The following TMSB15B variants were observed in gnomAD, a reference collection of about 807,000 sequenced individuals.
TMSB15B encodes thymosin beta-15B.
At position 103,923,360 on chromosome X, in the gene TMSB15B, A is replaced by T. The variant is rs182890023; in HGVS notation, c.-721+4068A>T. 4.5e-3 allele frequency among the ~76,000 whole-genome samples: 499 copies of T among 112,069 alleles called. 6 individuals carry two copies. The highest frequency in any genetic ancestry group is 0.015 in the African/African-American group (469 of 30,806). On this transcript the variant is annotated intron_variant, in intron 1 of 3. Transcript: ENST00000419165. ...GGTCTAAAATTTAAGTCTTTAATCC[A>T]TCTTGAATTAATTTTTGTATAAGGT...
intron 1 of TMSB15B, among the ~76,000 whole-genome samples, chrX:103,924,987 G>A (rs1556318571): frequency 8.9e-6 from 1 of 112,192 alleles, no homozygotes; most frequent in African/African-American, 3.2e-5. Flanking sequence ...AACACAAAAT[G>A]TGTTCCTACA....
intron 1 of TMSB15B, among the ~76,000 whole-genome samples, chrX:103,921,888 A>G (rs1556317869): frequency 8.9e-6 from 1 of 111,759 alleles, no homozygotes; most frequent in Non-Finnish European, 1.9e-5. Context: ...AAGGCTTCAC[A>G]ACTTTTAAGT....
chrX:103,938,418 T>G (rs1313432091), intron 1 of TMSB15B, among the ~76,000 whole-genome samples: 9 of 112,058 alleles, frequency 8.0e-5, no homozygotes, highest in Non-Finnish European at 1.7e-4. Flanking sequence ...TGTAATTCCC[T>G]TCTTTGTCTT....
intron 1 of TMSB15B, among the ~76,000 whole-genome samples, chrX:103,930,240 C>T (rs782099283): frequency 1.5e-4 from 17 of 111,712 alleles, no homozygotes; most frequent in African/African-American, 4.6e-4. Context: ...CTATTCTTTC[C>T]ACCTGCAGTG....
rs2074976773 is a variant in TMSB15B at position 103,928,823 on chromosome X, T to C, written c.-721+9531T>C. 16 of 1,201,712 alleles carry C rather than the reference T, an allele frequency of 1.3e-5. No homozygotes were observed. The South Asian group carries it at 2.9e-4, about 21-fold the overall frequency. Reference sequence around the variant, plus strand: ...CTGGCTGCTAATATGCAGTCCCATATTGGATGGCAGAACATGCCAAGCCTG... The same window carrying C: ...CTGGCTGCTAATATGCAGTCCCATACTGGATGGCAGAACATGCCAAGCCTG... On this transcript the variant is annotated intron_variant, in intron 1 of 3. Coordinates refer to the TMSB15B transcript ENST00000419165.
At chrX:103,932,519 T>C (rs1191476035) in intron 1 of TMSB15B, 1 of 112,572 alleles carries the variant, frequency 8.9e-6, no homozygotes, top group African/African-American at 3.2e-5. Context: ...TTAAATTTAC[T>C]ATATTTGCCT....
chrX:103,924,007 C>G (rs1556318338), intron 1 of TMSB15B, among the ~76,000 whole-genome samples: 1 of 111,960 alleles, frequency 8.9e-6, no homozygotes, highest in African/African-American at 3.2e-5. Context: ...ATACCAGTTG[C>G]TGTGCTAAGC....
intron 1 of TMSB15B, among the ~76,000 whole-genome samples, chrX:103,950,706 T>A (rs1232012373): frequency 3.6e-5 from 4 of 110,274 alleles, no homozygotes; most frequent in African/African-American, 1.3e-4. Flanking sequence ...TGGCCTGTTT[T>A]TATATATATG....
chrX:103,944,623 T>C (rs782407723), intron 1 of TMSB15B, among the ~76,000 whole-genome samples: 11 of 111,234 alleles, frequency 9.9e-5, no homozygotes, highest in Non-Finnish European at 1.5e-4. Context: ...TATGAGAAGT[T>C]ACCTCCCTTC....
chrX:103,950,613 A>T (rs1229433127), intron 1 of TMSB15B, among the ~76,000 whole-genome samples: 5 of 106,393 alleles, frequency 4.7e-5, no homozygotes, highest in Admixed American at 1.0e-4. Flanking sequence ...CCAAGAGAAA[A>T]ATATATATAT....
intron 1 of TMSB15B, among the ~76,000 whole-genome samples, chrX:103,919,703 A>G (rs782196989): frequency 8.9e-6 from 1 of 112,501 alleles, no homozygotes; most frequent in East Asian, 2.8e-4. Context: ...GGATGGGAGG[A>G]CCAACTTGGG....
intron 1 of TMSB15B, among the ~76,000 whole-genome samples, chrX:103,949,362 G>A (rs1602443344): frequency 8.9e-6 from 1 of 111,967 alleles, no homozygotes; most frequent in Non-Finnish European, 1.9e-5. Flanking sequence ...CACTGTAGGC[G>A]AATGAGAGTG....
chrX:103,948,007 G>C (rs1204539892), intron 1 of TMSB15B, among the ~76,000 whole-genome samples: 4 of 111,237 alleles, frequency 3.6e-5, no homozygotes, highest in African/African-American at 1.3e-4. Context: ...TTTGGGGACA[G>C]GGAGGGGAAC....
chrX:103,929,606 G>C (rs1316326654), intron 1 of TMSB15B, among the ~76,000 whole-genome samples: 2 of 111,950 alleles, frequency 1.8e-5, no homozygotes, highest in Non-Finnish European at 3.8e-5. Flanking sequence ...GGTGCCACAA[G>C]AACTAGTGGG....
intron 1 of TMSB15B, among the ~76,000 whole-genome samples, chrX:103,954,656 C>T (rs1342472510): frequency 1.8e-5 from 2 of 111,563 alleles, no homozygotes; most frequent in African/African-American, 6.5e-5. Flanking sequence ...GCCAGCAAGT[C>T]TTGCCTCACC....
At chrX:103,923,174 G>A (rs1362221613) in intron 1 of TMSB15B, among the ~76,000 whole-genome samples, 1 of 111,893 alleles carries the variant, frequency 8.9e-6, no homozygotes, top group Non-Finnish European at 1.9e-5. Flanking sequence ...TCTGATGGTA[G>A]TTTCTTTTGC....
chrX:103,933,404 C>T (rs2074989392), intron 1 of TMSB15B, among the ~76,000 whole-genome samples: 1 of 110,824 alleles, frequency 9.0e-6, no homozygotes, highest in Admixed American at 9.6e-5. Flanking sequence ...CGAGAATTGC[C>T]AGTTTAAAGA....
intron 1 of TMSB15B, among the ~76,000 whole-genome samples, chrX:103,938,792 C>A (rs1556322932): frequency 1.8e-5 from 2 of 111,681 alleles, no homozygotes; most frequent in Non-Finnish European, 3.8e-5. Context: ...TGGCTGGTAC[C>A]AGTTTTTTCT....
chrX:103,925,770 C>G (rs1454193755), intron 1 of TMSB15B, among the ~76,000 whole-genome samples: 1 of 112,466 alleles, frequency 8.9e-6, no homozygotes, highest in African/African-American at 3.2e-5. Context: ...GCCCAGTTTT[C>G]TTTCTGCTAA....
Sources: gnomAD v4.1 joint callset for allele counts (sites outside exome capture counted in the v4.1 genomes callset) on GRCh38, gnomAD v4.1.1 for gene constraint, MANE v1.5 for transcripts, NCBI Gene and HGNC (gene_info 2026-07-23, HGNC 2026-07-21) for gene names.